Variants in ITGA4 observed in about 807,000 individuals in gnomAD.
ITGA4 encodes the protein integrin alpha-4.
A neutral mutation model predicts 133.6 loss-of-function variants in ITGA4; 63 were observed. That is an observed-to-expected ratio of 0.47 (90% CI 0.38 to 0.58). The LOEUF (loss-of-function observed/expected upper bound fraction) is 0.58. Ranked by LOEUF, ITGA4 falls within the 20% of genes least tolerant of loss-of-function variation. ITGA4 has a pLI of 0.00. For synonymous variants in ITGA4, 483 were observed against 438.0 expected (o/e 1.10, Z -1.28); for missense variants, 1,076 against 1,252.7 (o/e 0.86, Z 2.13).
At chr2:181,458,436 G>GTT in intron 2 of ITGA4, 119 bp downstream of exon 2, 1 of 1,223,108 alleles carries the variant, frequency 8.2e-7, no homozygotes, top group African/African-American at 1.5e-5. Context: ...AGAGCATAAA[G>GTT]TTTTCAGTTT....
rs562468539 is a variant in ITGA4, at chr2:181,488,751, G to A, written c.1153+2759G>A. On this transcript the variant is annotated intron_variant, in intron 10 of 27. Coordinates refer to ENST00000397033, the MANE Select transcript of ITGA4 (RefSeq NM_000885.6). Reference sequence around the variant, plus strand: ...TTTTTTGTGTTTTTAGTAGAGACAGGGTTTCACTGTGTTAACCAGGATGGT... The same window carrying A: ...TTTTTTGTGTTTTTAGTAGAGACAGAGTTTCACTGTGTTAACCAGGATGGT... 6.8e-4 allele frequency among the ~76,000 whole-genome samples: 103 copies of A among 151,912 alleles called. 1 individual carries two copies. Among genetic ancestry groups the A allele is most frequent in the Middle Eastern group, 3.4e-3 (1 of 294 alleles).
rs368657926 is a variant in ITGA4, at chr2:181,457,744, C to A, written c.90C>A (p.Thr30=). 1.9e-6 allele frequency: 3 copies of A among 1,613,070 alleles called. No homozygotes were observed. Among genetic ancestry groups the A allele is most frequent in the Non-Finnish European group, 2.5e-6 (3 of 1,179,864 alleles). Residue 30 remains threonine, a synonymous_variant, in exon 1 of 28, where the codon ACC becomes ACA. Transcript: ENST00000397033. ...TGTTGCTGTGCCTGGGGGTCCCGAC[C>A]GGCCGCCCCTACAACGTGGACACTG... ...VMLLLCLGVP[T]GRPYNVDTES...
chr2:181,492,313 A>G (rs955887473), intron 10 of ITGA4, among the ~76,000 whole-genome samples: 3 of 152,260 alleles, frequency 2.0e-5, no homozygotes, highest in Admixed American at 1.3e-4. Flanking sequence ...AAGCTTTTGC[A>G]TTTTTAAAAT....
In ITGA4 at chr2:181,477,400, G is replaced by A. The variant is rs114373388; in HGVS notation, c.557-1357G>A. Among the ~76,000 whole-genome samples the A allele has an allele frequency of 7.9e-3, 1,199 of 152,168 alleles. 14 individuals are homozygous for A. Among genetic ancestry groups the A allele is most frequent in the African/African-American group, 0.027 (1,120 of 41,536 alleles). On this transcript the variant is annotated intron_variant, in intron 4 of 27. Transcript: ENST00000397033. ...TAGAAAGCTCCTGCATAGCAAGGGA[G>A]ATAATCAACAGAGTGAAGAGACAGT...
chr2:181,483,193 G>T (rs1685843789), intron 9 of ITGA4, among the ~76,000 whole-genome samples: 1 of 152,052 alleles, frequency 6.6e-6, no homozygotes, highest in Non-Finnish European at 1.5e-5. Flanking sequence ...ATTCCACAGT[G>T]GATATATTAG....
At chr2:181,504,377 T>C (rs929180844) in intron 15 of ITGA4, among the ~76,000 whole-genome samples, 1 of 152,124 alleles carries the variant, frequency 6.6e-6, no homozygotes, top group Admixed American at 6.6e-5. Flanking sequence ...TTTTCCATAG[T>C]AGTTTCAGGA....
chr2:181,461,036 C>T (rs1241107176), intron 2 of ITGA4, among the ~76,000 whole-genome samples: 1 of 151,758 alleles, frequency 6.6e-6, no homozygotes, highest in African/African-American at 2.4e-5. Flanking sequence ...AAAATATCCA[C>T]ATGGACTAGT....
In ITGA4 at chr2:181,462,910, T is replaced by C. The variant is rs190721947; in HGVS notation, c.319+4593T>C. Among the ~76,000 whole-genome samples the C allele has an allele frequency of 2.0e-4, 31 of 152,294 alleles. No individual in the cohort carries two copies. The East Asian group carries it at 5.4e-3, about 27-fold the overall frequency. On this transcript the variant is annotated intron_variant, in intron 2 of 27. Transcript: ENST00000397033. ...GGTAATTTATCCATTCAGTTGTTCA[T>C]TGAGGGATGCCTAAGGGCCTGAACC... is the stretch of plus-strand genomic sequence containing the variant.
chr2:181,457,579 C>T lies in ITGA4; in HGVS notation c.-76C>T, dbSNP rs1685153692. On this transcript the variant is annotated 5_prime_UTR_variant, in exon 1 of 28. Coordinates refer to ENST00000397033, the MANE Select transcript of ITGA4 (RefSeq NM_000885.6). ...CCTCATCTCTTGGGGCGTTCTTCCCCGTTGGCCAACCGTCGCATCCCGTGC... is the reference window on the plus strand; with the variant it reads ...CCTCATCTCTTGGGGCGTTCTTCCCTGTTGGCCAACCGTCGCATCCCGTGC... The T allele has an allele frequency of 1.4e-5, 19 of 1,359,268 alleles. No homozygotes were observed. In the South Asian group the frequency reaches 1.4e-4, roughly 10 times the overall value. The allele number at this position is 1,359,268 out of a possible 1,614,324, so 84.2% of individuals were successfully genotyped here. A position where few individuals can be genotyped will look rare whatever the true frequency, so the allele number is the denominator to read the frequency against.
rs368043320 is a variant in ITGA4 at position 181,530,559 on chromosome 2, A to G, written c.2574A>G (p.Gln858=). 1.2e-6 allele frequency: 2 copies of G among 1,613,106 alleles called. No homozygotes were observed. The highest frequency in any genetic ancestry group is 2.7e-5 in the African/African-American group (2 of 74,910). ...TTGECHFENY[Q]RVCALEQQKS... ...GAGAATGCCACTTTGAAAATTATCAAAGAGTGTGTGCATTAGAGCAGCAAA... is the reference window on the plus strand; with the variant it reads ...GAGAATGCCACTTTGAAAATTATCAGAGAGTGTGTGCATTAGAGCAGCAAA... The change falls in exon 24 of 28, where the codon CAA becomes CAG. Residue 858 remains glutamine (Q), a synonymous_variant. Coordinates refer to ENST00000397033, the MANE Select transcript of ITGA4 (RefSeq NM_000885.6).
chr2:181,467,871 A>G (rs1402848139), intron 2 of ITGA4, among the ~76,000 whole-genome samples: 2 of 152,166 alleles, frequency 1.3e-5, no homozygotes, highest in Non-Finnish European at 2.9e-5. Context: ...TCTCTTCTGT[A>G]GGGTAGGATT....
intron 17 of ITGA4, 117 bp from the exon 18 acceptor site, chr2:181,522,074 A>T (rs1226486931): frequency 1.9e-6 from 1 of 524,218 alleles, no homozygotes; most frequent in Non-Finnish European, 3.2e-6. Flanking sequence ...TTGTTTTTCC[A>T]AGAAAATTAG....
In ITGA4 at chr2:181,482,238, A is replaced by G. The variant is rs568007260; in HGVS notation, c.841-122A>G. On this transcript the variant is annotated intron_variant, in intron 7 of 27. Transcript: ENST00000397033. Reference sequence around the variant, plus strand: ...TTTTGTGTCACTCTCAACAGGATTTATTTTTATATTTGAGCAATTAACTGC... The same window carrying G: ...TTTTGTGTCACTCTCAACAGGATTTGTTTTTATATTTGAGCAATTAACTGC... 5 of 998,402 alleles carry G rather than the reference A, an allele frequency of 5.0e-6. No homozygotes were observed. The South Asian group carries it at 8.8e-5, about 18-fold the overall frequency. The allele number at this position is 998,402 out of a possible 1,614,324, so 61.8% of individuals were successfully genotyped here.
intron 15 of ITGA4, among the ~76,000 whole-genome samples, chr2:181,502,803 T>C (rs1225091889): frequency 2.0e-5 from 3 of 152,078 alleles, no homozygotes; most frequent in Non-Finnish European, 4.4e-5. Flanking sequence ...GTGTAGCCTG[T>C]GTGCTTGTGT....
At chr2:181,486,246 C>T (rs1297182720) in intron 10 of ITGA4, 2 of 365,158 alleles carry the variant, frequency 5.5e-6, no homozygotes, top group Non-Finnish European at 9.6e-6. Flanking sequence ...TGATTAGAAA[C>T]TGCATTATTA....
intron 4 of ITGA4, 24 bp from the exon 5 acceptor site, chr2:181,478,733 A>T: frequency 9.5e-7 from 1 of 1,055,618 alleles, no homozygotes; most frequent in East Asian, 2.6e-5. Flanking sequence ...TAAAATTCTG[A>T]GTTGTTTTAA....
chr2:181,464,432 G>A (rs1283837824), intron 2 of ITGA4, among the ~76,000 whole-genome samples: 1 of 152,084 alleles, frequency 6.6e-6, no homozygotes, highest in East Asian at 1.9e-4. Flanking sequence ...AGTTGAATAA[G>A]GCATGGTTAA....
rs1161387666 is a variant in ITGA4, at chr2:181,482,418, A to T, written c.899A>T (p.Lys300Ile). ...AATATCTTACATGAAATGAAAGGTA[A>T]AAAGGTAATATGTCTCTACCTTTAG... ...ELNILHEMKG[K>I]KLGSYFGASV... is the part of the protein sequence containing the mutation. Residue 300 changes from lysine (K) to isoleucine (I), a missense_variant, in exon 8 of 28, where the codon AAA becomes ATA. Lys to Ile is a moderately radical substitution (Grantham distance 102). This residue lies in a region of ITGA4 where 436 missense variants were observed against 590.7 expected (regional missense o/e 0.74). Transcript: ENST00000397033. 1 of 1,613,208 alleles carries T rather than the reference A, an allele frequency of 6.2e-7. No individual in the cohort carries two copies. The highest frequency in any genetic ancestry group is 1.3e-5 in the African/African-American group (1 of 74,866).
intron 2 of ITGA4, among the ~76,000 whole-genome samples, chr2:181,462,078 G>A (rs1685294679): frequency 6.6e-6 from 1 of 151,784 alleles, no homozygotes; most frequent in Admixed American, 6.6e-5. Flanking sequence ...AATTTCCAAT[G>A]GGCTTGTATT....
Sources: allele counts gnomAD v4.1 joint callset (sites outside exome capture counted in the v4.1 genomes callset), GRCh38; gene constraint gnomAD v4.1.1; regional missense constraint gnomAD v4.1.1; transcripts MANE v1.5; gene names NCBI Gene and HGNC (gene_info 2026-07-23, HGNC 2026-07-21).